ZNF385D: variants seen among roughly 807,000 people sequenced by gnomAD.
ZNF385D encodes the protein zinc finger protein 385D, also known as zinc finger protein 659.
A neutral mutation model predicts 35.8 loss-of-function variants in ZNF385D; 15 were observed. The ratio of observed to expected loss-of-function variants is 0.42; its 90% CI spans 0.28 to 0.64. The LOEUF is 0.64. ZNF385D is among the 30% of genes least tolerant of loss of function. The pLI is 0.23. For missense variants in ZNF385D, 474 were observed against 494.6 expected, an observed-to-expected ratio of 0.96 and a Z score of 0.39; for synonymous variants, 212 against 186.8, an observed-to-expected ratio of 1.13 and a Z score of -1.10.
At chr3:22,092,721 A>C (rs1242067148) in intron 3 of ZNF385D, among the ~76,000 whole-genome samples, 6 of 152,052 alleles carry the variant, frequency 3.9e-5, no homozygotes, top group African/African-American at 1.4e-4. Context: ...CTTACAGTTA[A>C]TAATTTTTGA....
chr3:22,006,171 C>T (rs1027423153), intron 3 of ZNF385D, among the ~76,000 whole-genome samples: 1 of 152,144 alleles, frequency 6.6e-6, no homozygotes, highest in Middle Eastern at 3.4e-3. Context: ...GCAAAATGAA[C>T]ACATTTTAGA....
chr3:22,191,589 T>G (rs1428397539), intron 2 of ZNF385D, among the ~76,000 whole-genome samples: 1 of 152,138 alleles, frequency 6.6e-6, no homozygotes, highest in East Asian at 1.9e-4. Context: ...GTAGAATATG[T>G]ATGATAAAAT....
intron 2 of ZNF385D, among the ~76,000 whole-genome samples, chr3:22,352,995 G>A (rs9824408): frequency 0.21 from 31,363 of 151,974 alleles, 3,543 homozygotes; most frequent in Non-Finnish European, 0.26. Context: ...CTTATGTCAC[G>A]ATGTCTTTGT....
intron 3 of ZNF385D, among the ~76,000 whole-genome samples, chr3:21,928,094 T>G (rs191772266): frequency 1.9e-3 from 287 of 152,094 alleles, no homozygotes; most frequent in African/African-American, 6.6e-3. Flanking sequence ...TGTGGTGGTG[T>G]GTGCCTGTAC....
intron 3 of ZNF385D, among the ~76,000 whole-genome samples, chr3:22,119,995 CT>C (rs11345782): frequency 0.72 from 97,737 of 136,170 alleles, 34,606 homozygotes; most frequent in East Asian, 0.8. Flanking sequence ...TTTCTTTTTT[CT>C]TTTTTTTTTT....
At chr3:21,546,168 T>C (rs1255471898) in intron 3 of ZNF385D, among the ~76,000 whole-genome samples, 1 of 152,106 alleles carries the variant, frequency 6.6e-6, no homozygotes, top group Non-Finnish European at 1.5e-5. Flanking sequence ...TCATTAGTTG[T>C]TTTTAAGTTT....
chr3:21,630,776 C>G lies in ZNF385D; in HGVS notation c.165+34110G>C, dbSNP rs75612513. Among the ~76,000 whole-genome samples, 52 of 152,222 alleles carry G rather than the reference C, an allele frequency of 3.4e-4. No homozygotes were observed. The East Asian group carries it at 9.3e-3, about 27-fold the overall frequency. On this transcript the variant is annotated intron_variant, in intron 2 of 7. Transcript: ENST00000281523. ...TCCTCACCATCATCATAATATCCAT[C>G]ACTAATATCTATTGAGCACACATTA...
chr3:21,504,950 T>C (rs775637948), intron 4 of ZNF385D, among the ~76,000 whole-genome samples: 15 of 152,080 alleles, frequency 9.9e-5, no homozygotes, highest in Admixed American at 4.6e-4. Context: ...TAGACCTGCA[T>C]AGAGGCTAGG....
Position 21,738,344 on chromosome 3 carries a change from T to A in ZNF385D, c.22+12551A>T, listed in dbSNP as rs141293004. ...TCTGACTTGGCCACTGATTTTAGTCTCATTTTAATCTCACTGTACCTTGGT... is the reference window on the plus strand; with the variant it reads ...TCTGACTTGGCCACTGATTTTAGTCACATTTTAATCTCACTGTACCTTGGT... On this transcript the variant is annotated intron_variant, in intron 1 of 7. Coordinates refer to ENST00000281523, the MANE Select transcript of ZNF385D (RefSeq NM_024697.3). 1.6e-4 allele frequency among the ~76,000 whole-genome samples: 24 copies of A among 152,324 alleles called. No individual in the cohort carries two copies. In the East Asian group the frequency reaches 4.4e-3, roughly 28 times the overall value.
rs186929511 is a variant in ZNF385D at position 21,610,642 on chromosome 3, G to A, written c.166-45958C>T. ...AAAAAAAAATTAGCCAGGTATGGTG[G>A]CGGGCGCCTGTGGTCCCAGCTACTC... On this transcript the variant is annotated intron_variant, in intron 2 of 7. Coordinates refer to ENST00000281523, the MANE Select transcript of ZNF385D (RefSeq NM_024697.3). 2.7e-3 allele frequency among the ~76,000 whole-genome samples: 409 copies of A among 152,146 alleles called. 2 individuals are homozygous for A. The highest frequency in any genetic ancestry group is 6.8e-3 in the Middle Eastern group (2 of 292).
intron 3 of ZNF385D, among the ~76,000 whole-genome samples, chr3:22,115,718 A>G (rs1310238434): frequency 6.6e-6 from 1 of 152,100 alleles, no homozygotes. Context: ...AATGTAATGT[A>G]GTAGTAGATT....
Position 21,764,008 on chromosome 3 carries a change from A to C in ZNF385D, c.326-98980T>G, listed in dbSNP as rs1303012760. 2.0e-5 allele frequency among the ~76,000 whole-genome samples: 3 copies of C among 152,178 alleles called. No individual in the cohort carries two copies. In the East Asian group the frequency reaches 5.8e-4, roughly 29 times the overall value. On this transcript the variant is annotated intron_variant, in intron 3 of 5. Coordinates refer to the ZNF385D transcript ENST00000494108. ...CCAAAGAATGAGATACTGCAATGGA[A>C]GGTGGATCAATGGCTACAACAATCT...
At chr3:21,840,017 A>G (rs1695564613) in intron 3 of ZNF385D, among the ~76,000 whole-genome samples, 1 of 152,092 alleles carries the variant, frequency 6.6e-6, no homozygotes, top group African/African-American at 2.4e-5. Context: ...TTATTTTTCA[A>G]CGTTTTTGGG....
chr3:21,759,134 A>C (rs2125581008), intron 3 of ZNF385D, among the ~76,000 whole-genome samples: 1 of 152,240 alleles, frequency 6.6e-6, no homozygotes, highest in South Asian at 2.1e-4. Flanking sequence ...ACTAAAAACA[A>C]AGGTAACATA....
At chr3:22,197,032 A>G (rs1455432406) in intron 2 of ZNF385D, among the ~76,000 whole-genome samples, 1 of 152,134 alleles carries the variant, frequency 6.6e-6, no homozygotes, top group Non-Finnish European at 1.5e-5. Context: ...GTATTATTCC[A>G]TAAAATTTGG....
intron 3 of ZNF385D, among the ~76,000 whole-genome samples, chr3:22,119,906 G>A (rs1018392766): frequency 5.3e-5 from 8 of 151,892 alleles, no homozygotes; most frequent in Admixed American, 4.6e-4. Flanking sequence ...GGAGTGCAGT[G>A]GTATGACTTT....
chr3:21,606,617 A>G (rs1365520369), intron 2 of ZNF385D, among the ~76,000 whole-genome samples: 1 of 152,224 alleles, frequency 6.6e-6, no homozygotes, highest in South Asian at 2.1e-4. Context: ...CTCCCAGAAC[A>G]GATGACCTGT....
chr3:21,846,397 C>T (rs1287820376), intron 3 of ZNF385D, among the ~76,000 whole-genome samples: 2 of 152,024 alleles, frequency 1.3e-5, no homozygotes, highest in African/African-American at 4.8e-5. Flanking sequence ...AGCACTTTCT[C>T]ATAAACTAAT....
intron 3 of ZNF385D, among the ~76,000 whole-genome samples, chr3:22,112,326 C>T: frequency 6.6e-6 from 1 of 152,084 alleles, no homozygotes; most frequent in Admixed American, 6.6e-5. Flanking sequence ...GAAATCTCTG[C>T]ATTGCCTAAC....
Sources: gnomAD v4.1 joint callset for allele counts (sites outside exome capture counted in the v4.1 genomes callset) on GRCh38, gnomAD v4.1.1 for gene constraint, MANE v1.5 for transcripts, NCBI Gene and HGNC (gene_info 2026-07-23, HGNC 2026-07-21) for gene names.